The following CTNNA3 variants were observed in gnomAD, a reference collection of about 807,000 sequenced individuals.
The protein encoded by CTNNA3 is catenin alpha 3.
CTNNA3 carries 76 observed loss-of-function variants against 95.7 expected under a neutral mutation model. The ratio of observed to expected loss-of-function variants is 0.79; its 90% CI spans 0.66 to 0.96. CTNNA3 has a LOEUF of 0.96. Among genes scored for constraint, CTNNA3 ranks in the 40% least tolerant of loss-of-function variants. CTNNA3 has a pLI of 0.00. For missense variants in CTNNA3, 1,191 were observed against 1,089.8 expected (o/e 1.09, Z -1.31); for synonymous variants, 431 against 374.4 (o/e 1.15, Z -1.74).
chr10:65,991,592 T>C (rs1214686598), intron 15 of CTNNA3, among the ~76,000 whole-genome samples: 4 of 152,046 alleles, frequency 2.6e-5, no homozygotes, highest in Non-Finnish European at 5.9e-5. Flanking sequence ...TTGATTTTTG[T>C]ATGTTGATTT....
intron 17 of CTNNA3, among the ~76,000 whole-genome samples, chr10:65,929,966 C>T (rs1476728432): frequency 1.3e-5 from 2 of 151,950 alleles, no homozygotes; most frequent in Non-Finnish European, 2.9e-5. Flanking sequence ...ATTCTACCCA[C>T]GGTTGAAAAT....
At chr10:66,283,894 A>G (rs2132168899) in intron 12 of CTNNA3, among the ~76,000 whole-genome samples, 1 of 152,038 alleles carries the variant, frequency 6.6e-6, no homozygotes, top group South Asian at 2.1e-4. Flanking sequence ...TAATTTAGGA[A>G]GAATAGCAAA....
At chr10:67,029,745 A>T (rs1853605839) in intron 7 of CTNNA3, among the ~76,000 whole-genome samples, 1 of 152,224 alleles carries the variant, frequency 6.6e-6, no homozygotes, top group Admixed American at 6.5e-5. Context: ...CTGTGATTCT[A>T]TATCAAAAAC....
At chr10:66,423,609 T>C (rs2093214842) in intron 11 of CTNNA3, among the ~76,000 whole-genome samples, 1 of 152,086 alleles carries the variant, frequency 6.6e-6, no homozygotes, top group African/African-American at 2.4e-5. Context: ...GGTAACCTCC[T>C]CTCTGCCCAG....
At chr10:67,015,795 T>A (rs1852620229) in intron 7 of CTNNA3, among the ~76,000 whole-genome samples, 1 of 152,152 alleles carries the variant, frequency 6.6e-6, no homozygotes, top group African/African-American at 2.4e-5. Flanking sequence ...TTGTCTCTCT[T>A]TTCCCTGTCT....
intron 5 of CTNNA3, among the ~76,000 whole-genome samples, chr10:67,325,849 T>C (rs1030330700): frequency 1.3e-5 from 2 of 152,172 alleles, no homozygotes; most frequent in Admixed American, 6.5e-5. Flanking sequence ...CTCCCCCTAT[T>C]ATATTGTGGG....
intron 7 of CTNNA3, among the ~76,000 whole-genome samples, chr10:67,078,800 G>C (rs1375647426): frequency 6.6e-6 from 1 of 152,132 alleles, no homozygotes; most frequent in Non-Finnish European, 1.5e-5. Context: ...ACAGATGTGA[G>C]CCACCGCACC....
At chr10:66,880,655 C>T (rs1295409922) in intron 7 of CTNNA3, among the ~76,000 whole-genome samples, 2 of 152,042 alleles carry the variant, frequency 1.3e-5, no homozygotes, top group Non-Finnish European at 2.9e-5. Context: ...TTAGAGAATA[C>T]CTGCTAGGCA....
At chr10:67,525,790 C>T (rs1467175221) in intron 4 of CTNNA3, among the ~76,000 whole-genome samples, 1 of 152,200 alleles carries the variant, frequency 6.6e-6, no homozygotes, top group African/African-American at 2.4e-5. Flanking sequence ...TACTAATTCC[C>T]ATAATTTAAA....
chr10:66,403,761 G>T (rs1471140935), intron 11 of CTNNA3, among the ~76,000 whole-genome samples: 2 of 152,168 alleles, frequency 1.3e-5, no homozygotes, highest in Non-Finnish European at 2.9e-5. Context: ...GCAAAATCAT[G>T]ACAGTAAGAG....
At chr10:67,673,762 CAT>C (rs1031354468) in intron 1 of CTNNA3, among the ~76,000 whole-genome samples, 8 of 140,938 alleles carry the variant, frequency 5.7e-5, no homozygotes, top group African/African-American at 2.1e-4. Flanking sequence ...ATTTTTATCA[CAT>C]AACAAGAAGT....
chr10:67,161,636 G>A (rs920255053), intron 7 of CTNNA3, among the ~76,000 whole-genome samples: 2 of 151,802 alleles, frequency 1.3e-5, no homozygotes, highest in African/African-American at 4.8e-5. Context: ...GGAACAAACA[G>A]AAAACAAATT....
intron 7 of CTNNA3, among the ~76,000 whole-genome samples, chr10:67,081,634 T>C (rs924738625): frequency 2.6e-5 from 4 of 152,216 alleles, no homozygotes; most frequent in Admixed American, 1.3e-4. Flanking sequence ...CTCATATGTA[T>C]ACCTGTCACT....
intron 11 of CTNNA3, among the ~76,000 whole-genome samples, chr10:66,484,127 T>A (rs1839641874): frequency 6.6e-6 from 1 of 151,356 alleles, no homozygotes; most frequent in African/African-American, 2.5e-5. Context: ...ACAAAAACCA[T>A]GTTGCTAATG....
At chr10:67,357,283 T>A (rs919819681) in intron 5 of CTNNA3, among the ~76,000 whole-genome samples, 1 of 152,026 alleles carries the variant, frequency 6.6e-6, no homozygotes, top group Admixed American at 6.6e-5. Context: ...TTAATTTACA[T>A]CAAACATGAT....
At chr10:65,940,713 C>T (rs1266435881) in intron 17 of CTNNA3, among the ~76,000 whole-genome samples, 1 of 152,212 alleles carries the variant, frequency 6.6e-6, no homozygotes. Context: ...ATACTCTAAG[C>T]AGTTGAGGGA....
At chr10:66,411,956 G>T (rs1273386399) in intron 11 of CTNNA3, among the ~76,000 whole-genome samples, 2 of 152,058 alleles carry the variant, frequency 1.3e-5, no homozygotes, top group Admixed American at 1.3e-4. Context: ...ACCAAATTGG[G>T]GCAAGGAGAT....
Position 66,228,387 on chromosome 10 carries a change from TTTC to T in CTNNA3, c.1884+52080_1884+52082del, listed in dbSNP as rs1250694500. Among the ~76,000 whole-genome samples the T allele has an allele frequency of 5.9e-5, 9 of 152,172 alleles. No homozygotes were observed. In the East Asian group the frequency reaches 1.7e-3, roughly 29 times the overall value. ...TTCAATTTTCATTTCTTTGAAGAAA[TTTC>T]TTCATGTTCTTCTTAATTTTTTATT... On this transcript the variant is annotated intron_variant, in intron 13 of 17. Coordinates refer to ENST00000433211, the MANE Select transcript of CTNNA3 (RefSeq NM_013266.4).
intron 14 of CTNNA3, among the ~76,000 whole-genome samples, chr10:66,087,091 A>G (rs1448597812): frequency 6.6e-6 from 1 of 152,018 alleles, no homozygotes; most frequent in East Asian, 1.9e-4. Context: ...TGCAGGTGTC[A>G]TGGCACCAGC....
Sources: allele counts gnomAD v4.1 joint callset (sites outside exome capture counted in the v4.1 genomes callset), GRCh38; gene constraint gnomAD v4.1.1; transcripts MANE v1.5; gene names NCBI Gene and HGNC (gene_info 2026-07-23, HGNC 2026-07-21).